The following MARCHF1 variants were observed in gnomAD, a reference collection of about 807,000 sequenced individuals.
The protein encoded by MARCHF1 is membrane associated ring-CH-type finger 1, also known as E3 ubiquitin-protein ligase MARCHF1.
Under a neutral mutation model 54.2 loss-of-function variants are expected in MARCHF1, and 40 were observed. That is an observed-to-expected ratio of 0.74 (90% CI 0.57 to 0.96). The LOEUF (loss-of-function observed/expected upper bound fraction) is 0.96, where lower values mean the gene tolerates loss of function less well. MARCHF1 is among the 40% of genes least tolerant of loss of function. MARCHF1 has a pLI of 0.00. For missense variants in MARCHF1, 586 were observed against 656.5 expected (o/e 0.89, Z 1.17); for synonymous variants, 236 against 236.3 (o/e 1.00, Z 0.01).
chr4:163,824,689 C>G (rs892647917), intron 4 of MARCHF1, among the ~76,000 whole-genome samples: 8 of 85,216 alleles, frequency 9.4e-5, no homozygotes, highest in African/African-American at 2.9e-4. Flanking sequence ...AAACTACCAT[C>G]AGAGTGAACA....
At chr4:163,726,150 A>G (rs1745646192) in intron 4 of MARCHF1, among the ~76,000 whole-genome samples, 1 of 152,142 alleles carries the variant, frequency 6.6e-6, no homozygotes, top group Non-Finnish European at 1.5e-5. Context: ...AAGTCTCTGG[A>G]GTTCATTTGT....
intron 2 of MARCHF1, among the ~76,000 whole-genome samples, chr4:164,000,334 G>A (rs1007969398): frequency 6.6e-6 from 1 of 151,694 alleles, no homozygotes; most frequent in African/African-American, 2.4e-5. Context: ...AAAGATAAGT[G>A]TTCAGCAAGA....
intron 8 of MARCHF1, among the ~76,000 whole-genome samples, chr4:163,568,559 T>C (rs972832608): frequency 2.0e-5 from 3 of 152,138 alleles, no homozygotes; most frequent in Non-Finnish European, 4.4e-5. Context: ...AGCCTACCTA[T>C]TAAAGGTGTC....
chr4:163,916,687 T>C (rs1751315227), intron 3 of MARCHF1, among the ~76,000 whole-genome samples: 1 of 152,112 alleles, frequency 6.6e-6, no homozygotes, highest in Non-Finnish European at 1.5e-5. Flanking sequence ...TATCAGACTT[T>C]ATTTTATAGA....
intron 1 of MARCHF1, among the ~76,000 whole-genome samples, chr4:164,196,620 A>G (rs1579613783): frequency 6.6e-6 from 1 of 152,192 alleles, no homozygotes; most frequent in East Asian, 1.9e-4. Context: ...GCAAGCATTA[A>G]TAAGTGGATT....
intron 4 of MARCHF1, among the ~76,000 whole-genome samples, chr4:163,723,632 T>A (rs1745552380): frequency 6.6e-6 from 1 of 152,206 alleles, no homozygotes; most frequent in Non-Finnish European, 1.5e-5. Flanking sequence ...CCAACTTGGT[T>A]CCATTCTCCC....
intron 2 of MARCHF1, among the ~76,000 whole-genome samples, chr4:164,033,197 G>A (rs1753915854): frequency 6.7e-6 from 1 of 149,126 alleles, no homozygotes; most frequent in Non-Finnish European, 1.5e-5. Flanking sequence ...AAAAAGAAAA[G>A]GTGCTGGGAA....
In MARCHF1 at chr4:163,936,165, G is replaced by A. The variant is rs77405933; in HGVS notation, c.-39+52336C>T. Among the ~76,000 whole-genome samples, 568 of 152,174 alleles carry A rather than the reference G, an allele frequency of 3.7e-3. 4 individuals are homozygous for A. Among genetic ancestry groups the A allele is most frequent in the South Asian group, 0.015 (73 of 4,814 alleles). On this transcript the variant is annotated intron_variant, in intron 3 of 9. Transcript: ENST00000514618. ...AACAGTCTTATGTAGGCATGATTCC[G>A]GGTGTCCCAAAACAACTCCAACAGT...
intron 1 of MARCHF1, among the ~76,000 whole-genome samples, chr4:164,147,803 C>G (rs999305207): frequency 7.5e-5 from 11 of 145,804 alleles, no homozygotes; most frequent in Non-Finnish European, 1.3e-4. Context: ...GCACATGTAC[C>G]CTAAAACTTA....
At chr4:163,713,087 T>A (rs1273747518) in intron 4 of MARCHF1, among the ~76,000 whole-genome samples, 1 of 152,110 alleles carries the variant, frequency 6.6e-6, no homozygotes, top group African/African-American at 2.4e-5. Context: ...TATTCCCTTA[T>A]TAAGCTATTT....
At chr4:164,346,260 G>T (rs945282395) in intron 1 of MARCHF1, among the ~76,000 whole-genome samples, 2 of 152,066 alleles carry the variant, frequency 1.3e-5, no homozygotes, top group African/African-American at 4.8e-5. Context: ...GTAATAAAGA[G>T]ACAAAGGACA....
chr4:164,010,602 A>G (rs1019696742), intron 2 of MARCHF1, among the ~76,000 whole-genome samples: 1 of 152,120 alleles, frequency 6.6e-6, no homozygotes, highest in African/African-American at 2.4e-5. Context: ...ATAAAACATT[A>G]ATGAAAGAAA....
At chr4:164,172,244 T>C (rs1004965815) in intron 1 of MARCHF1, among the ~76,000 whole-genome samples, 1 of 152,220 alleles carries the variant, frequency 6.6e-6, no homozygotes, top group African/African-American at 2.4e-5. Context: ...AATGAAAACC[T>C]ATAAACAAAT....
chr4:163,797,333 A>G (rs371028337), intron 4 of MARCHF1, among the ~76,000 whole-genome samples: 29 of 102,108 alleles, frequency 2.8e-4, no homozygotes, highest in African/African-American at 6.5e-4. Context: ...TACGGTGTGT[A>G]TGTGTGTGTG....
chr4:164,079,691 C>A (rs1755055015), intron 2 of MARCHF1, among the ~76,000 whole-genome samples: 1 of 151,830 alleles, frequency 6.6e-6, no homozygotes, highest in South Asian at 2.1e-4. Flanking sequence ...TTGTGTAATC[C>A]TTTATTTTTG....
intron 1 of MARCHF1, among the ~76,000 whole-genome samples, chr4:164,366,790 C>T (rs1476983456): frequency 2.0e-5 from 3 of 151,562 alleles, no homozygotes; most frequent in Non-Finnish European, 4.4e-5. Flanking sequence ...AAGTTTTATA[C>T]ATGTTTATTT....
chr4:163,569,121 T>TGATG (rs1390564078), intron 8 of MARCHF1, among the ~76,000 whole-genome samples: 1 of 152,152 alleles, frequency 6.6e-6, no homozygotes, highest in Non-Finnish European at 1.5e-5. Context: ...GGTGGAGGGT[T>TGATG]GATGCTGCAT....
At chr4:163,633,106 C>A (rs1475691942) in intron 5 of MARCHF1, among the ~76,000 whole-genome samples, 2 of 152,180 alleles carry the variant, frequency 1.3e-5, no homozygotes, top group African/African-American at 4.8e-5. Flanking sequence ...ACATCACCAT[C>A]ATCAAAGACC....
intron 1 of MARCHF1, among the ~76,000 whole-genome samples, chr4:164,159,998 C>A (rs545015315): frequency 1.3e-5 from 2 of 152,140 alleles, no homozygotes; most frequent in Admixed American, 1.3e-4. Flanking sequence ...CCTTCTGAAC[C>A]AGGACCTAGC....
Sources: gnomAD v4.1 joint callset for allele counts (sites outside exome capture counted in the v4.1 genomes callset) on GRCh38, gnomAD v4.1.1 for gene constraint, MANE v1.5 for transcripts, NCBI Gene and HGNC (gene_info 2026-07-23, HGNC 2026-07-21) for gene names.